MARCHF6: variants seen among roughly 807,000 people sequenced by gnomAD.
MARCHF6 encodes the protein membrane associated ring-CH-type finger 6.
A neutral mutation model predicts 133.7 loss-of-function variants in MARCHF6; 31 were observed. The ratio of observed to expected loss-of-function variants is 0.23; its 90% confidence interval spans 0.17 to 0.31. The LOEUF is 0.31. Ranked by LOEUF, MARCHF6 falls within the 10% of genes least tolerant of loss-of-function variation. MARCHF6 has a pLI of 1.00. For missense variants in MARCHF6, 723 were observed against 1,121.6 expected (o/e 0.64, Z 5.08); for synonymous variants, 395 against 402.5 (o/e 0.98, Z 0.22).
chr5:10,370,507 C>T (rs890101300), intron 1 of MARCHF6, among the ~76,000 whole-genome samples: 1 of 152,156 alleles, frequency 6.6e-6, no homozygotes, highest in Non-Finnish European at 1.5e-5. Context: ...ATTAAATACA[C>T]CTTGTTGTGC....
At chr5:10,381,411 G>C (rs1737136552) in intron 3 of MARCHF6, among the ~76,000 whole-genome samples, 1 of 152,162 alleles carries the variant, frequency 6.6e-6, no homozygotes, top group African/African-American at 2.4e-5. Context: ...TTGATGGCTT[G>C]TTGTCAGCTT....
intron 15 of MARCHF6, among the ~76,000 whole-genome samples, chr5:10,405,183 CA>C (rs1250613069): frequency 2.0e-5 from 3 of 152,174 alleles, no homozygotes; most frequent in Non-Finnish European, 2.9e-5. Flanking sequence ...TTTTCATTTA[CA>C]GGGGGAAGGC....
rs1740558933 is a variant in MARCHF6, at chr5:10,435,398, G to C, written c.*1714G>C. On this transcript the variant is annotated 3_prime_UTR_variant, in exon 26 of 26. Coordinates refer to ENST00000274140, the MANE Select transcript of MARCHF6 (RefSeq NM_005885.4). ...AAATTGGAAAAAAAAAAAAAAATCA[G>C]TATCAGAAATAATGCTTGACATAGG... 6.7e-6 allele frequency: 1 copy of C among 149,798 alleles called. No homozygotes were observed. The highest frequency in any genetic ancestry group is 1.5e-5 in the Non-Finnish European group (1 of 67,618). The allele number at this position is 149,798 out of a possible 1,614,324, so 9.3% of individuals were successfully genotyped here.
At position 10,405,791 on chromosome 5, in the gene MARCHF6, A is replaced by G. The variant is rs1418597831; in HGVS notation, c.1452+114A>G. 6.9e-6 allele frequency: 6 copies of G among 871,032 alleles called. No individual in the cohort carries two copies. In the East Asian group the frequency reaches 1.2e-4, roughly 17 times the overall value. 54.0% of individuals were successfully genotyped at this position (871,032 alleles called of 1,614,324 possible). ...AGGCTGATAGAGTATATTGAATAAT[A>G]TATTTATCTAAGCCTGTGGTATTCA... On this transcript the variant is annotated intron_variant, in intron 16 of 25. Coordinates refer to ENST00000274140, the MANE Select transcript of MARCHF6 (RefSeq NM_005885.4).
chr5:10,396,980 T>C (rs1738231514), intron 9 of MARCHF6, among the ~76,000 whole-genome samples: 1 of 152,248 alleles, frequency 6.6e-6, no homozygotes, highest in Non-Finnish European at 1.5e-5. Flanking sequence ...GTCATTTGAT[T>C]TAAATGAAAT....
In MARCHF6 at chr5:10,417,274, T is replaced by C. The variant is rs896081016; in HGVS notation, c.2153T>C (p.Met718Thr). ...TGGGCTCCTGTTTCCTAATAGATCA[T>C]GAAGACTTTGATAGTTGCGGTGCTG... ...QKVKEWSLMIMKTLIVAVLLA... is the reference protein window; with the variant it reads ...QKVKEWSLMITKTLIVAVLLA... Residue 718 changes from methionine (M) to threonine (T), a missense_variant, in exon 22 of 26, where the codon ATG (methionine) becomes ACG (threonine). This residue lies in a region of MARCHF6 where 492 missense variants were observed against 699.5 expected (regional missense o/e 0.70). Coordinates refer to ENST00000274140, the MANE Select transcript of MARCHF6 (RefSeq NM_005885.4). 4.4e-6 allele frequency: 7 copies of C among 1,608,408 alleles called. No homozygotes were observed. In the East Asian group the frequency reaches 1.6e-4, roughly 36 times the overall value.
intron 2 of MARCHF6, among the ~76,000 whole-genome samples, chr5:10,378,264 T>A (rs886334875): frequency 6.6e-6 from 1 of 152,216 alleles, no homozygotes; most frequent in Non-Finnish European, 1.5e-5. Context: ...AGAACTGTTC[T>A]TAGTGGTTTG....
intron 1 of MARCHF6, among the ~76,000 whole-genome samples, chr5:10,374,417 C>G (rs764853295): frequency 6.6e-6 from 1 of 152,128 alleles, no homozygotes; most frequent in African/African-American, 2.4e-5. Context: ...GCTCTTCTTC[C>G]CTGAGTTTCC....
chr5:10,354,651 G>C (rs1460021968), intron 1 of MARCHF6: 1 of 152,202 alleles, frequency 6.6e-6, no homozygotes, highest in East Asian at 1.9e-4. Context: ...CTCTTCAAAC[G>C]CATTTTCTTA....
rs1334423260 is a variant in MARCHF6, at chr5:10,435,334, C to T, written c.*1650C>T. The T allele has an allele frequency of 1.4e-5, 2 of 147,290 alleles. No homozygotes were observed. The highest frequency in any genetic ancestry group is 2.5e-5 in the African/African-American group (1 of 39,650). The allele number at this position is 147,290 out of a possible 1,614,324, so 9.1% of individuals were successfully genotyped here. ...GGCTCCGGCCGGTTGTCCTGGCACA[C>T]AAGGAGGCGAGGCTATGCGTTCGAG... On this transcript the variant is annotated 3_prime_UTR_variant, in exon 26 of 26. Transcript: ENST00000274140.
chr5:10,402,698 A>T (rs2052962780), intron 14 of MARCHF6, 91 bp downstream of exon 14: 2 of 1,086,438 alleles, frequency 1.8e-6, no homozygotes, highest in Admixed American at 2.0e-5. Context: ...AAGGAAAGCA[A>T]ATATTTGATA....
intron 1 of MARCHF6, among the ~76,000 whole-genome samples, chr5:10,359,615 G>T (rs1304222663): frequency 1.3e-5 from 2 of 151,998 alleles, no homozygotes; most frequent in Non-Finnish European, 2.9e-5. Context: ...ATTGAAGAAA[G>T]AAATCCGCGT....
chr5:10,380,766 A>C (rs1222855670), intron 3 of MARCHF6, among the ~76,000 whole-genome samples: 1 of 152,098 alleles, frequency 6.6e-6, no homozygotes, highest in Non-Finnish European at 1.5e-5. Context: ...GTCTCTACTG[A>C]AAATACAAAA....
At chr5:10,408,227 C>T (rs1406503103) in intron 17 of MARCHF6, among the ~76,000 whole-genome samples, 3 of 152,194 alleles carry the variant, frequency 2.0e-5, no homozygotes, top group Non-Finnish European at 4.4e-5. Context: ...ACACCTCTGC[C>T]TCTAGATTTT....
At chr5:10,384,956 A>G (rs1737377385) in intron 4 of MARCHF6, among the ~76,000 whole-genome samples, 2 of 152,242 alleles carry the variant, frequency 1.3e-5, no homozygotes, top group African/African-American at 2.4e-5. Context: ...TCAAATGCCT[A>G]TTAATAGTAG....
intron 3 of MARCHF6, among the ~76,000 whole-genome samples, chr5:10,379,548 C>T (rs1304422708): frequency 6.6e-6 from 1 of 152,036 alleles, no homozygotes; most frequent in Non-Finnish European, 1.5e-5. Flanking sequence ...GCAAGCTCCG[C>T]CTCCCGGGTT....
Position 10,433,644 on chromosome 5 carries a change from A to C in MARCHF6, c.2693A>C (p.Gln898Pro). The change falls in exon 26 of 26, where the codon CAA becomes CCA. Residue 898 changes from glutamine (Q) to proline (P), a missense_variant. Physicochemically the swap from Gln to Pro is moderately conservative, Grantham distance 76 (BLOSUM62 -1). Around this residue, in one of 4 missense-constraint regions of MARCHF6, gnomAD observed 492 missense variants for 699.5 expected, o/e 0.70. Coordinates refer to ENST00000274140, the MANE Select transcript of MARCHF6 (RefSeq NM_005885.4). ...AACTACGAACGGAAATCTGGCAAAC[A>C]AGGCTCATCTCCACCACCTCCACAG... ...LVNYERKSGK[Q>P]GSSPPPPQSS... 1 of 1,614,226 alleles carries C rather than the reference A, an allele frequency of 6.2e-7. No homozygotes were observed. Among genetic ancestry groups the C allele is most frequent in the Non-Finnish European group, 8.5e-7 (1 of 1,180,038 alleles).
chr5:10,432,618 C>A (rs936538135), intron 25 of MARCHF6, among the ~76,000 whole-genome samples: 15 of 152,270 alleles, frequency 9.9e-5, no homozygotes, highest in Admixed American at 9.8e-4. Flanking sequence ...TTGGAGATGT[C>A]TGTCTCCTTG....
intron 7 of MARCHF6, 34 bp downstream of exon 7, chr5:10,391,765 A>G (rs747786623): frequency 1.4e-6 from 2 of 1,446,276 alleles, no homozygotes; most frequent in Admixed American, 5.2e-5. Flanking sequence ...ACTCTTCAGC[A>G]CTGCAAATCT....
Sources: gnomAD v4.1 joint callset for allele counts (sites outside exome capture counted in the v4.1 genomes callset) on GRCh38, gnomAD v4.1.1 for gene constraint, gnomAD v4.1.1 regional missense constraint, MANE v1.5 for transcripts, NCBI Gene and HGNC (gene_info 2026-07-23, HGNC 2026-07-21) for gene names.